ANKFN1: variants seen among roughly 807,000 people sequenced by gnomAD.
ANKFN1 encodes the protein ankyrin repeat and fibronectin type-III domain-containing protein 1.
Under a neutral mutation model 108.7 loss-of-function variants are expected in ANKFN1, and 74 were observed. The observed-to-expected ratio is 0.68, with a 90% CI of 0.56 to 0.83. The LOEUF (loss-of-function observed/expected upper bound fraction) is 0.83. Among genes scored for constraint, ANKFN1 ranks in the 40% least tolerant of loss-of-function variants. ANKFN1 has a pLI of 0.00. For synonymous variants in ANKFN1, 547 were observed against 516.2 expected, an observed-to-expected ratio of 1.06 and a Z score of -0.81; for missense variants, 1,505 against 1,382.3, an observed-to-expected ratio of 1.09 and a Z score of -1.41.
At position 56,264,042 on chromosome 17, in the gene ANKFN1, T is replaced by A. The variant is rs576012457; in HGVS notation, c.53+36085T>A. Among the ~76,000 whole-genome samples, 11 of 152,276 alleles carry A rather than the reference T, an allele frequency of 7.2e-5. No homozygotes were observed. The Middle Eastern group carries it at 0.014, about 188-fold the overall frequency. The stretch of plus-strand genomic sequence containing the variant: ...CCGTACCCCTCACTTTCCAGACAGG[T>A]AATACAGTACTGTAGTCCCACTGAA... On this transcript the variant is annotated intron_variant, in intron 3 of 20. Coordinates refer to ENST00000682825, the MANE Select transcript of ANKFN1 (RefSeq NM_001370326.1).
intron 4 of ANKFN1, among the ~76,000 whole-genome samples, chr17:56,128,117 C>T (rs1907043692): frequency 6.6e-6 from 1 of 152,274 alleles, no homozygotes; most frequent in Non-Finnish European, 1.5e-5. Flanking sequence ...GTAGTCTGCA[C>T]TGTAACCACC....
At chr17:56,134,992 A>G (rs1314947361) in intron 4 of ANKFN1, among the ~76,000 whole-genome samples, 1 of 152,146 alleles carries the variant, frequency 6.6e-6, no homozygotes, top group East Asian at 1.9e-4. Flanking sequence ...TCTTCCTGGT[A>G]TCATTCATGC....
intron 1 of ANKFN1, among the ~76,000 whole-genome samples, chr17:56,185,717 A>C (rs928581337): frequency 6.6e-6 from 1 of 152,196 alleles, no homozygotes; most frequent in African/African-American, 2.4e-5. Context: ...GTCTGGCACA[A>C]GTTGCAGACT....
At chr17:56,295,849 T>C (rs2044495239) in intron 3 of ANKFN1, among the ~76,000 whole-genome samples, 1 of 152,164 alleles carries the variant, frequency 6.6e-6, no homozygotes, top group South Asian at 2.1e-4. Context: ...TCATCCTTTA[T>C]AATGAACCTA....
intron 18 of ANKFN1, among the ~76,000 whole-genome samples, chr17:56,485,614 A>G (rs2050829722): frequency 6.6e-6 from 1 of 152,220 alleles, no homozygotes; most frequent in Non-Finnish European, 1.5e-5. Flanking sequence ...GCTCTGCAAA[A>G]TCCAGTGGTC....
At chr17:56,194,805 G>T (rs1271337904) in intron 1 of ANKFN1, among the ~76,000 whole-genome samples, 1 of 152,180 alleles carries the variant, frequency 6.6e-6, no homozygotes, top group African/African-American at 2.4e-5. Context: ...GGTGAGGGGG[G>T]CTAGGCAGGT....
At chr17:56,332,973 A>ATGTG (rs202093665) in intron 4 of ANKFN1, among the ~76,000 whole-genome samples, 11 of 106,260 alleles carry the variant, frequency 1.0e-4, no homozygotes, top group Admixed American at 4.0e-4. Context: ...GTGTGTATAT[A>ATGTG]TGTGTGTATA....
intron 6 of ANKFN1, among the ~76,000 whole-genome samples, chr17:56,369,703 C>G (rs1296282841): frequency 4.0e-5 from 6 of 151,470 alleles, no homozygotes; most frequent in African/African-American, 1.5e-4. Flanking sequence ...GTTTAGTAGA[C>G]AAAAAAAATC....
chr17:56,330,151 A>C (rs1342074359), intron 4 of ANKFN1, among the ~76,000 whole-genome samples: 1 of 149,300 alleles, frequency 6.7e-6, no homozygotes, highest in Non-Finnish European at 1.5e-5. Context: ...CTGCTACTAA[A>C]TGAAATGTAT....
At chr17:56,377,450 T>G (rs2046975252) in intron 8 of ANKFN1, among the ~76,000 whole-genome samples, 1 of 96,946 alleles carries the variant, frequency 1.0e-5, no homozygotes, top group Non-Finnish European at 2.6e-5. Context: ...CCACATGATT[T>G]TTTCTGAATT....
rs892692107 is a variant in ANKFN1 at position 56,326,164 on chromosome 17, T to A, written c.54-57T>A. The stretch of plus-strand genomic sequence containing the variant: ...TTTTGCATTAAGAGTATCTTCATGA[T>A]CATGGACTTCGGCTCTTGCCTGTAG... On this transcript the variant is annotated intron_variant, in intron 3 of 20. Transcript: ENST00000682825. The A allele has an allele frequency of 3.9e-6, 6 of 1,547,648 alleles. No homozygotes were observed. The African/African-American group carries it at 8.3e-5, about 21-fold the overall frequency.
intron 3 of ANKFN1, among the ~76,000 whole-genome samples, chr17:56,239,830 G>A (rs1356150135): frequency 1.3e-5 from 2 of 152,076 alleles, no homozygotes; most frequent in Non-Finnish European, 1.5e-5. Flanking sequence ...AAACACTTCT[G>A]GTTCCATTAG....
At chr17:56,490,942 A>T (rs951811989) in intron 18 of ANKFN1, among the ~76,000 whole-genome samples, 1 of 151,604 alleles carries the variant, frequency 6.6e-6, no homozygotes, top group African/African-American at 2.4e-5. Flanking sequence ...AGAGAAAAAA[A>T]AGCAAGGAAG....
At chr17:56,338,214 A>G (rs2045867969) in intron 4 of ANKFN1, among the ~76,000 whole-genome samples, 2 of 152,184 alleles carry the variant, frequency 1.3e-5, no homozygotes. Context: ...AGAAAACCAA[A>G]CAGCGCATGT....
intron 3 of ANKFN1, among the ~76,000 whole-genome samples, chr17:56,307,962 G>C (rs1356142011): frequency 1.3e-5 from 2 of 152,270 alleles, no homozygotes; most frequent in East Asian, 3.9e-4. Context: ...ATCATTCTCA[G>C]CAAACTATCG....
intron 4 of ANKFN1, among the ~76,000 whole-genome samples, chr17:56,072,209 C>A (rs1282017163): frequency 2.0e-5 from 3 of 152,096 alleles, no homozygotes; most frequent in Non-Finnish European, 4.4e-5. Flanking sequence ...TGTGTTTTCA[C>A]TTTCTTCTTA....
intron 3 of ANKFN1, among the ~76,000 whole-genome samples, chr17:56,297,732 T>A (rs993044375): frequency 2.0e-5 from 3 of 152,178 alleles, no homozygotes; most frequent in African/African-American, 7.2e-5. Flanking sequence ...ATAAGAAGTC[T>A]CCTAGTGCCT....
At chr17:56,311,255 G>A (rs1004223800) in intron 3 of ANKFN1, among the ~76,000 whole-genome samples, 23 of 151,982 alleles carry the variant, frequency 1.5e-4, no homozygotes, top group Non-Finnish European at 3.2e-4. Flanking sequence ...TATTGGCTCT[G>A]CCACCTACTA....
intron 4 of ANKFN1, among the ~76,000 whole-genome samples, chr17:56,336,242 T>G (rs1429302728): frequency 2.0e-5 from 3 of 152,222 alleles, no homozygotes; most frequent in Non-Finnish European, 2.9e-5. Context: ...TAAAATGAGT[T>G]AAGGAGGATT....
Sources: allele counts gnomAD v4.1 joint callset (sites outside exome capture counted in the v4.1 genomes callset), GRCh38; gene constraint gnomAD v4.1.1; transcripts MANE v1.5; gene names NCBI Gene and HGNC (gene_info 2026-07-23, HGNC 2026-07-21).